The following KDM5A variants were observed in gnomAD, a reference collection of about 807,000 sequenced individuals.
KDM5A encodes the protein lysine demethylase 5A.
In KDM5A, 42 loss-of-function variants were observed where a neutral mutation model predicts 193.5. That is an observed-to-expected ratio of 0.22 (90% confidence interval 0.17 to 0.28). The LOEUF is 0.28. Ranked by LOEUF, KDM5A falls within the 10% of genes least tolerant of loss-of-function variation. The pLI, the probability that KDM5A is intolerant of heterozygous loss-of-function variation, is 1.00. For synonymous variants in KDM5A, 796 were observed against 718.1 expected (o/e 1.11, Z -1.73); for missense variants, 1,692 against 2,055.1 (o/e 0.82, Z 3.42).
Position 321,128 on chromosome 12 carries a change from G to C in KDM5A, c.2427-19C>G, listed in dbSNP as rs775761622. 1 of 1,547,076 alleles carries C rather than the reference G, an allele frequency of 6.5e-7. No homozygotes were observed. The highest frequency in any genetic ancestry group is 1.1e-5 in the South Asian group (1 of 89,742). Reference sequence around the variant, plus strand: ...GCTCTGTCTGATGTGAAATAATATTGAGATATAAGTAAGAAAAATTCAGTC... The same window carrying C: ...GCTCTGTCTGATGTGAAATAATATTCAGATATAAGTAAGAAAAATTCAGTC... On this transcript the variant is annotated intron_variant, in intron 17 of 27. Transcript: ENST00000399788.
chr12:298,786 G>A (rs1037709557), intron 24 of KDM5A, among the ~76,000 whole-genome samples: 11 of 152,008 alleles, frequency 7.2e-5, no homozygotes, highest in African/African-American at 2.7e-4. Context: ...CCAATACAAG[G>A]AAGCTAAGAA....
chr12:301,231 A>G lies in KDM5A; in HGVS notation c.4075-4031T>C, dbSNP rs1341040150. The stretch of plus-strand genomic sequence containing the variant: ...CCCGGCAGAGACACAACAAAAAAAG[A>G]GAATTTCAGGCTAATATCCCTGATG... On this transcript the variant is annotated intron_variant, in intron 24 of 27. Coordinates refer to ENST00000399788, the MANE Select transcript of KDM5A (RefSeq NM_001042603.3). 2.6e-5 allele frequency among the ~76,000 whole-genome samples: 4 copies of G among 152,252 alleles called. No individual in the cohort carries two copies. The East Asian group carries it at 7.7e-4, about 29-fold the overall frequency.
chr12:354,199 T>G lies in KDM5A; in HGVS notation c.906A>C (p.Gly302=), dbSNP rs1944200143. Residue 302 remains glycine (G), a synonymous_variant, in exon 8 of 28, where the codon GGA becomes GGC. Transcript: ENST00000399788. ...DLYVCMFCGR[G]NNEDKLLLCD... Reference sequence around the variant, plus strand: ...ACAAAAGCAATTTATCTTCATTGTTTCCCCGACCACAAAACATACAAACAT... The same window carrying G: ...ACAAAAGCAATTTATCTTCATTGTTGCCCCGACCACAAAACATACAAACAT... 6.2e-7 allele frequency: 1 copy of G among 1,611,092 alleles called. No homozygotes were observed. The highest frequency in any genetic ancestry group is 8.5e-7 in the Non-Finnish European group (1 of 1,177,814).
chr12:377,286 A>G (rs936042781), intron 3 of KDM5A, among the ~76,000 whole-genome samples: 1 of 152,216 alleles, frequency 6.6e-6, no homozygotes, highest in Admixed American at 6.5e-5. Context: ...TAACTAATAA[A>G]GAGTCAAAAA....
At chr12:315,603 G>T (rs992896385) in intron 19 of KDM5A, among the ~76,000 whole-genome samples, 1 of 150,566 alleles carries the variant, frequency 6.6e-6, no homozygotes, top group East Asian at 2.0e-4. Context: ...GGGTGAAAAA[G>T]AATGAGTATA....
rs184453942 is a variant in KDM5A, at chr12:350,203, G to A, written c.1308+418C>T. ...TGTAATCCCAGCACTTTGGGAAGCC[G>A]AGGCAGGCAGATCACCTGAGGTCAG... is the stretch of plus-strand genomic sequence containing the variant. On this transcript the variant is annotated intron_variant, in intron 10 of 27. Coordinates refer to ENST00000399788, the MANE Select transcript of KDM5A (RefSeq NM_001042603.3). 3.8e-3 allele frequency among the ~76,000 whole-genome samples: 571 copies of A among 152,030 alleles called. 14 individuals carry two copies. The highest frequency in any genetic ancestry group is 0.031 in the Admixed American group (467 of 15,274).
At chr12:370,656 T>C (rs992784136) in intron 3 of KDM5A, among the ~76,000 whole-genome samples, 1 of 152,130 alleles carries the variant, frequency 6.6e-6, no homozygotes, top group African/African-American at 2.4e-5. Flanking sequence ...GTAGTACATG[T>C]GCACAACGTG....
intron 10 of KDM5A, among the ~76,000 whole-genome samples, chr12:340,694 CAAAA>C (rs375465074): frequency 3.9e-5 from 2 of 51,126 alleles, no homozygotes; most frequent in Admixed American, 2.8e-4. Context: ...GACTCCATCA[CAAAA>C]AAAAAAAAAA....
chr12:370,679 A>G (rs926121246), intron 3 of KDM5A, among the ~76,000 whole-genome samples: 2 of 152,094 alleles, frequency 1.3e-5, no homozygotes, highest in African/African-American at 2.4e-5. Context: ...GGTTTGTTAC[A>G]TATGTATACG....
At chr12:288,418 T>C (rs1472081467) in intron 27 of KDM5A, among the ~76,000 whole-genome samples, 2 of 152,194 alleles carry the variant, frequency 1.3e-5, no homozygotes, top group Non-Finnish European at 2.9e-5. Flanking sequence ...ACAGTACAAA[T>C]AGGTTACTAT....
chr12:362,894 G>A (rs1425628337), intron 5 of KDM5A, 69 bp downstream of exon 5: 8 of 1,477,224 alleles, frequency 5.4e-6, no homozygotes, highest in Non-Finnish European at 7.6e-6. Flanking sequence ...GGAGTTCAAG[G>A]CTAGCCTGGG....
At chr12:331,792 A>C in intron 13 of KDM5A, 27 bp downstream of exon 13, 3 of 1,613,594 alleles carry the variant, frequency 1.9e-6, no homozygotes, top group Non-Finnish European at 2.5e-6. Context: ...TAGTAGACGT[A>C]CAACAGCCAC....
chr12:287,414 T>G (rs1361450997), intron 27 of KDM5A, among the ~76,000 whole-genome samples: 1 of 152,024 alleles, frequency 6.6e-6, no homozygotes, highest in Non-Finnish European at 1.5e-5. Context: ...ATTTTTGTTC[T>G]GTAATTGATT....
Position 281,418 on chromosome 12 carries a change from A to G in KDM5A, c.*4038T>C. ...ATTTGTTGCATAGTGGTGACTGGATATGATCCAGGCCAAGACAAGACCAAA... is the reference window on the plus strand; with the variant it reads ...ATTTGTTGCATAGTGGTGACTGGATGTGATCCAGGCCAAGACAAGACCAAA... On this transcript the variant is annotated 3_prime_UTR_variant, in exon 28 of 28. Coordinates refer to ENST00000399788, the MANE Select transcript of KDM5A (RefSeq NM_001042603.3). 1 of 233,232 alleles carries G rather than the reference A, an allele frequency of 4.3e-6. No homozygotes were observed. The highest frequency in any genetic ancestry group is 8.5e-6 in the Non-Finnish European group (1 of 118,026). The allele number at this position is 233,232 out of a possible 1,614,324, so 14.4% of individuals were successfully genotyped here.
chr12:350,273 C>G (rs562663058), intron 10 of KDM5A, among the ~76,000 whole-genome samples: 1 of 151,736 alleles, frequency 6.6e-6, no homozygotes, highest in African/African-American at 2.4e-5. Context: ...CCTGTCTCTA[C>G]AAAAATACAA....
chr12:353,965 G>A, intron 8 of KDM5A, 111 bp downstream of exon 8: 2 of 793,194 alleles, frequency 2.5e-6, no homozygotes, highest in South Asian at 1.6e-5. Context: ...ACTACATAAT[G>A]AAGACAGAAT....
intron 3 of KDM5A, among the ~76,000 whole-genome samples, chr12:373,587 T>C (rs948209931): frequency 2.0e-5 from 3 of 152,244 alleles, no homozygotes; most frequent in African/African-American, 7.2e-5. Context: ...CCTTCAGTTC[T>C]GCTCTGATTT....
Position 372,882 on chromosome 12 carries a change from G to A in KDM5A, c.367-6778C>T, listed in dbSNP as rs574557798. Among the ~76,000 whole-genome samples, 25 of 152,278 alleles carry A rather than the reference G, an allele frequency of 1.6e-4. No homozygotes were observed. In the East Asian group the frequency reaches 4.2e-3, roughly 26 times the overall value. On this transcript the variant is annotated intron_variant, in intron 3 of 27. Coordinates refer to ENST00000399788, the MANE Select transcript of KDM5A (RefSeq NM_001042603.3). ...TTTTTGTCTTTGGTTCTGTTTATAT[G>A]CTGGATTACGTTTATTGATTTGCGT...
At chr12:350,599 A>C (rs776667672) in intron 10 of KDM5A, 22 bp downstream of exon 10, 1 of 1,612,218 alleles carries the variant, frequency 6.2e-7, no homozygotes, top group South Asian at 1.1e-5. Flanking sequence ...GGGGGTAAGC[A>C]AAAGTTTGGA....
Sources: gnomAD v4.1 joint callset for allele counts (sites outside exome capture counted in the v4.1 genomes callset) on GRCh38, gnomAD v4.1.1 for gene constraint, MANE v1.5 for transcripts, NCBI Gene and HGNC (gene_info 2026-07-23, HGNC 2026-07-21) for gene names.